The following DPP6 variants were observed in gnomAD, a reference collection of about 807,000 sequenced individuals.
DPP6 encodes A-type potassium channel modulatory protein DPP6.
In DPP6, 69 loss-of-function variants were observed where a neutral mutation model predicts 122.6. The ratio of observed to expected loss-of-function variants is 0.56; its 90% CI spans 0.46 to 0.69. DPP6 has a LOEUF of 0.69. DPP6 is among the 30% of genes least tolerant of loss of function. The pLI is 0.00. For synonymous variants in DPP6, 418 were observed against 433.1 expected, an observed-to-expected ratio of 0.97 and a Z score of 0.43; for missense variants, 928 against 1,116.9, an observed-to-expected ratio of 0.83 and a Z score of 2.41.
chr7:154,529,183 A>AG (rs1827647682), intron 3 of DPP6, among the ~76,000 whole-genome samples: 1 of 152,206 alleles, frequency 6.6e-6, no homozygotes, highest in Non-Finnish European at 1.5e-5. Context: ...AAGACAGGTG[A>AG]TTTGAGAAGG....
intron 1 of DPP6, among the ~76,000 whole-genome samples, chr7:154,161,016 T>C (rs1796954079): frequency 6.6e-6 from 1 of 152,146 alleles, no homozygotes; most frequent in African/African-American, 2.4e-5. Context: ...GCAGGTCTAC[T>C]CAGGGGCAGT....
chr7:154,262,854 T>A lies in DPP6; in HGVS notation c.244-183360T>A, dbSNP rs188547870. 4.8e-4 allele frequency among the ~76,000 whole-genome samples: 73 copies of A among 152,014 alleles called. 1 individual carries two copies. The East Asian group carries it at 9.9e-3, about 21-fold the overall frequency. On this transcript the variant is annotated intron_variant, in intron 1 of 25. Coordinates refer to ENST00000377770, the MANE Select transcript of DPP6 (RefSeq NM_130797.4). The stretch of plus-strand genomic sequence containing the variant: ...TCTCGAGATACCCTTATGGTTTAAC[T>A]GTATTTTTCACGCACTGTTACTGGC...
intron 1 of DPP6, among the ~76,000 whole-genome samples, chr7:154,131,314 T>C (rs573239480): frequency 1.3e-4 from 20 of 152,332 alleles, no homozygotes; most frequent in African/African-American, 3.8e-4. Flanking sequence ...ATATCTTCTT[T>C]CCAGGAACGT....
chr7:154,018,635 A>G (rs7804791), intron 1 of DPP6, among the ~76,000 whole-genome samples: 12,769 of 150,486 alleles, frequency 0.085, 518 homozygotes, highest in African/African-American at 0.17. Flanking sequence ...GGCAGTTCCC[A>G]TTGCTAAGGG....
chr7:154,112,522 G>A lies in DPP6; in HGVS notation c.243+59459G>A, dbSNP rs181695686. ...TAGCCAGGCGTGGTGGCACATGCCT[G>A]TAACCCCAGCTCCTCAGGAGGCTGA... On this transcript the variant is annotated intron_variant, in intron 1 of 25. Coordinates refer to ENST00000377770, the MANE Select transcript of DPP6 (RefSeq NM_130797.4). Among the ~76,000 whole-genome samples, 848 of 152,082 alleles carry A rather than the reference G, an allele frequency of 5.6e-3. 7 individuals are homozygous for A. Among genetic ancestry groups the A allele is most frequent in the African/African-American group, 0.019 (802 of 41,524 alleles).
At chr7:153,775,087 A>C in the DPP6 span, among the ~76,000 whole-genome samples, 1 of 149,260 alleles carries the variant, frequency 6.7e-6, no homozygotes, top group Non-Finnish European at 1.5e-5. Flanking sequence ...AGAAACAGGC[A>C]AAAGATTAAA....
In DPP6 at chr7:154,892,687, G is replaced by A; in HGVS notation, c.*207G>A. ...TCACTCACGGCCTCCATGGCACCAG[G>A]GACAACGCTGTCCCCGCAGCAGCGC... On this transcript the variant is annotated 3_prime_UTR_variant, in exon 26 of 26. Coordinates refer to ENST00000377770, the MANE Select transcript of DPP6 (RefSeq NM_130797.4). The A allele has an allele frequency of 9.4e-7, 1 of 1,068,340 alleles. No homozygotes were observed. Among genetic ancestry groups the A allele is most frequent in the South Asian group, 1.3e-5 (1 of 79,204 alleles). 66.2% of individuals were successfully genotyped at this position (1,068,340 alleles called of 1,614,324 possible). A position where few individuals can be genotyped will look rare whatever the true frequency, so the allele number is the denominator to read the frequency against.
chr7:154,072,755 C>T (rs1270561749), intron 1 of DPP6, among the ~76,000 whole-genome samples: 1 of 152,240 alleles, frequency 6.6e-6, no homozygotes, highest in African/African-American at 2.4e-5. Flanking sequence ...GGGACTTGTC[C>T]CAGCACCATG....
At chr7:154,094,570 T>A (rs1484544015) in intron 1 of DPP6, 2 of 152,236 alleles carry the variant, frequency 1.3e-5, no homozygotes, top group African/African-American at 2.4e-5. Flanking sequence ...GGAGAGGGTA[T>A]AAAATTCTCA....
At chr7:154,712,500 C>T (rs1194027075) in intron 7 of DPP6, among the ~76,000 whole-genome samples, 1 of 152,090 alleles carries the variant, frequency 6.6e-6, no homozygotes, top group African/African-American at 2.4e-5. Flanking sequence ...TGAAGAAATA[C>T]CCAAGACTGG....
At chr7:153,889,963 A>G (rs1161553358) in intron 1 of DPP6, among the ~76,000 whole-genome samples, 1 of 152,232 alleles carries the variant, frequency 6.6e-6, no homozygotes, top group Non-Finnish European at 1.5e-5. Flanking sequence ...GTGATCATTT[A>G]GGACTTACCC....
At chr7:154,384,266 G>A (rs1460413959) in intron 1 of DPP6, among the ~76,000 whole-genome samples, 1 of 152,184 alleles carries the variant, frequency 6.6e-6, no homozygotes, top group African/African-American at 2.4e-5. Context: ...TTTATTTGAG[G>A]AAGTGCGGTG....
chr7:154,454,998 A>G (rs1820702342), intron 2 of DPP6, among the ~76,000 whole-genome samples: 1 of 152,116 alleles, frequency 6.6e-6, no homozygotes, highest in Admixed American at 6.6e-5. Context: ...TCACAAGACA[A>G]GTTTAGACAT....
At chr7:154,335,928 G>T (rs539645584) in intron 1 of DPP6, among the ~76,000 whole-genome samples, 1 of 152,152 alleles carries the variant, frequency 6.6e-6, no homozygotes, top group East Asian at 1.9e-4. Flanking sequence ...GCATTCTAGG[G>T]GTTGCAAGAC....
intron 1 of DPP6, among the ~76,000 whole-genome samples, chr7:153,948,064 G>A (rs1461253262): frequency 6.6e-6 from 1 of 152,166 alleles, no homozygotes; most frequent in Non-Finnish European, 1.5e-5. Context: ...TAACCTAGTT[G>A]CCTTTGGAAA....
intron 7 of DPP6, among the ~76,000 whole-genome samples, chr7:154,685,778 G>A (rs1643667890): frequency 1.3e-5 from 2 of 152,148 alleles, no homozygotes; most frequent in South Asian, 4.1e-4. Context: ...TTTGCTCCTG[G>A]TCAATTCAAC....
At chr7:154,321,431 G>A (rs1409560613) in intron 1 of DPP6, among the ~76,000 whole-genome samples, 2 of 152,086 alleles carry the variant, frequency 1.3e-5, no homozygotes, top group Non-Finnish European at 2.9e-5. Flanking sequence ...AACCATCACG[G>A]AGATTTTTCA....
At chr7:153,841,456 G>C in the DPP6 span, among the ~76,000 whole-genome samples, 1 of 152,138 alleles carries the variant, frequency 6.6e-6, no homozygotes, top group Admixed American at 6.5e-5. Context: ...AGTTCAGGCC[G>C]CTCGAACTCA....
chr7:154,060,339 ACCCCCCGCG>A (rs1801576227), intron 1 of DPP6, among the ~76,000 whole-genome samples: 3 of 100,298 alleles, frequency 3.0e-5, no homozygotes, highest in Admixed American at 1.9e-4. Context: ...AGGGGGAGGC[ACCCCCCGCG>A]AGGCAGGGAC....
Sources: gnomAD v4.1 joint callset for allele counts (sites outside exome capture counted in the v4.1 genomes callset) on GRCh38, gnomAD v4.1.1 for gene constraint, MANE v1.5 for transcripts, NCBI Gene and HGNC (gene_info 2026-07-23, HGNC 2026-07-21) for gene names.